Variants in TRDN observed in about 807,000 individuals in gnomAD.
TRDN encodes triadin in skeletal muscle.
A neutral mutation model predicts 149.7 loss-of-function variants in TRDN; 161 were observed. The observed-to-expected ratio is 1.08, with a 90% CI of 0.95 to 1.23. The LOEUF (loss-of-function observed/expected upper bound fraction) is 1.23. Ranked by LOEUF, TRDN falls within the 50% of genes most tolerant of loss-of-function variation. TRDN has a pLI of 0.00. For synonymous variants in TRDN, 294 were observed against 250.5 expected, an observed-to-expected ratio of 1.17 and a Z score of -1.64; for missense variants, 896 against 823.5, an observed-to-expected ratio of 1.09 and a Z score of -1.08.
chr6:123,374,362 C>T lies in TRDN; in HGVS notation c.1273+1243G>A, dbSNP rs1365955357. Among the ~76,000 whole-genome samples, 6 of 152,146 alleles carry T rather than the reference C, an allele frequency of 3.9e-5. No homozygotes were observed. The South Asian group carries it at 6.2e-4, about 16-fold the overall frequency. ...TTCAATCTAAAGCTCTCTCCCAGTG[C>T]TACAAAATTATCAGATTTGTTTGAT... On this transcript the variant is annotated intron_variant, in intron 19 of 40. Coordinates refer to ENST00000334268, the MANE Select transcript of TRDN (RefSeq NM_006073.4).
Position 123,636,950 on chromosome 6 carries a change from T to C in TRDN, c.-175A>G, listed in dbSNP as rs919171252. The C allele has an allele frequency of 7.6e-6, 5 of 659,364 alleles. No homozygotes were observed. The highest frequency in any genetic ancestry group is 2.6e-5 in the Admixed American group (1 of 37,978). 40.8% of individuals were successfully genotyped at this position (659,364 alleles called of 1,614,324 possible). A position where few individuals can be genotyped will look rare whatever the true frequency, so the allele number is the denominator to read the frequency against. On this transcript the variant is annotated 5_prime_UTR_variant, in exon 1 of 41. Coordinates refer to ENST00000334268, the MANE Select transcript of TRDN (RefSeq NM_006073.4). Reference sequence around the variant, plus strand: ...GTCCTGTTGAACTTTGCCTCTCCTCTGCAGAGTTCTCCCCCTGGAAACAAC... The same window carrying C: ...GTCCTGTTGAACTTTGCCTCTCCTCCGCAGAGTTCTCCCCCTGGAAACAAC...
Position 123,218,027 on chromosome 6 carries a change from G to C in TRDN, c.*574C>G, listed in dbSNP as rs1775012768. On this transcript the variant is annotated 3_prime_UTR_variant, in exon 41 of 41. Transcript: ENST00000334268. Reference sequence around the variant, plus strand: ...TTTGAGCTCTAAAAGAGTATCACAAGAAATTTATAGCAGTCTGTAGTACAA... The same window carrying C: ...TTTGAGCTCTAAAAGAGTATCACAACAAATTTATAGCAGTCTGTAGTACAA... The C allele has an allele frequency of 6.6e-6, 1 of 152,016 alleles. No individual in the cohort carries two copies. Among genetic ancestry groups the C allele is most frequent in the East Asian group, 2.0e-4 (1 of 5,126 alleles). The allele number at this position is 152,016 out of a possible 1,614,324, so 9.4% of individuals were successfully genotyped here.
chr6:123,411,122 C>T (rs1228628412), intron 12 of TRDN, among the ~76,000 whole-genome samples: 1 of 150,028 alleles, frequency 6.7e-6, no homozygotes, highest in Non-Finnish European at 1.5e-5. Flanking sequence ...TATCGGCTCA[C>T]TGCAACCTCC....
intron 21 of TRDN, chr6:123,351,413 C>A: frequency 1.0e-6 from 1 of 984,712 alleles, no homozygotes; most frequent in Non-Finnish European, 1.2e-6. Flanking sequence ...TCCAGTGCTC[C>A]CACTTTATAT....
At chr6:123,557,498 T>A (rs2114480364) in intron 2 of TRDN, among the ~76,000 whole-genome samples, 1 of 152,190 alleles carries the variant, frequency 6.6e-6, no homozygotes, top group East Asian at 1.9e-4. Flanking sequence ...CACACTTCAA[T>A]CTCTCCCTTC....
chr6:123,608,648 A>T (rs1784636391), intron 1 of TRDN, among the ~76,000 whole-genome samples: 1 of 152,212 alleles, frequency 6.6e-6, no homozygotes, highest in South Asian at 2.1e-4. Flanking sequence ...TTCTTATATC[A>T]TCAGAAAACA....
intron 9 of TRDN, among the ~76,000 whole-genome samples, chr6:123,465,582 C>CAAAAAAA (rs1223948612): frequency 1.4e-4 from 9 of 65,548 alleles, no homozygotes; most frequent in African/African-American, 2.5e-4. Flanking sequence ...TTATGAACTG[C>CAAAAAAA]AAAAAAAAAA....
chr6:123,299,736 GA>G (rs983196229), intron 24 of TRDN, among the ~76,000 whole-genome samples: 7 of 151,294 alleles, frequency 4.6e-5, no homozygotes, highest in East Asian at 1.9e-4. Flanking sequence ...TGGGAAAGTA[GA>G]AAAAAAATGA....
At chr6:123,567,249 G>A (rs1433638761) in intron 2 of TRDN, among the ~76,000 whole-genome samples, 1 of 152,096 alleles carries the variant, frequency 6.6e-6, no homozygotes, top group East Asian at 1.9e-4. Context: ...ACTATGTATT[G>A]CCTATTTACA....
At chr6:123,281,790 G>T (rs369494969) in intron 24 of TRDN, among the ~76,000 whole-genome samples, 1 of 151,980 alleles carries the variant, frequency 6.6e-6, no homozygotes, top group Non-Finnish European at 1.5e-5. Flanking sequence ...TTTGGTTTCC[G>T]AGTTAGTTGT....
At chr6:123,574,485 T>A (rs571760732) in intron 1 of TRDN, among the ~76,000 whole-genome samples, 1 of 152,082 alleles carries the variant, frequency 6.6e-6, no homozygotes, top group South Asian at 2.1e-4. Flanking sequence ...TGCTTTGAAA[T>A]GCAATTTAAG....
At chr6:123,396,687 T>C (rs1385267822) in intron 12 of TRDN, among the ~76,000 whole-genome samples, 1 of 152,172 alleles carries the variant, frequency 6.6e-6, no homozygotes, top group Non-Finnish European at 1.5e-5. Context: ...ATGAGCCAAA[T>C]GTTTCAATGT....
At chr6:123,246,284 T>A (rs1776176404) in intron 38 of TRDN, among the ~76,000 whole-genome samples, 1 of 151,790 alleles carries the variant, frequency 6.6e-6, no homozygotes, top group Non-Finnish European at 1.5e-5. Flanking sequence ...CTTCTAAAAA[T>A]CAATGAATCT....
chr6:123,285,077 G>A (rs1777751060), intron 24 of TRDN, among the ~76,000 whole-genome samples: 1 of 151,778 alleles, frequency 6.6e-6, no homozygotes, highest in South Asian at 2.1e-4. Context: ...TTGTGAAAAT[G>A]ACCAGGGTAG....
intron 35 of TRDN, among the ~76,000 whole-genome samples, chr6:123,259,116 G>T: frequency 6.6e-6 from 1 of 151,742 alleles, no homozygotes; most frequent in Non-Finnish European, 1.5e-5. Flanking sequence ...TTTTTTAAGG[G>T]TTTTTTTGTG....
At chr6:123,481,134 G>A (rs543041171) in intron 9 of TRDN, among the ~76,000 whole-genome samples, 16 of 152,154 alleles carry the variant, frequency 1.1e-4, no homozygotes, top group East Asian at 1.9e-4. Flanking sequence ...GGATACTCAC[G>A]AAATTTAAAA....
chr6:123,389,264 T>TG (rs1307329886), intron 13 of TRDN, among the ~76,000 whole-genome samples: 2 of 152,110 alleles, frequency 1.3e-5, no homozygotes, highest in African/African-American at 4.8e-5. Flanking sequence ...ATATGACCCC[T>TG]GGTTCTGTGT....
At chr6:123,462,870 C>A (rs1325183374) in intron 10 of TRDN, 1 of 152,148 alleles carries the variant, frequency 6.6e-6, no homozygotes, top group Non-Finnish European at 1.5e-5. Context: ...TCTGCAAGCC[C>A]TGACAAAGCC....
At chr6:123,606,336 T>C (rs1171693168) in intron 1 of TRDN, among the ~76,000 whole-genome samples, 1 of 152,078 alleles carries the variant, frequency 6.6e-6, no homozygotes, top group Non-Finnish European at 1.5e-5. Flanking sequence ...TGACCAAATA[T>C]AGACTTCTAT....
Sources: allele counts gnomAD v4.1 joint callset (sites outside exome capture counted in the v4.1 genomes callset), GRCh38; gene constraint gnomAD v4.1.1; transcripts MANE v1.5; gene names NCBI Gene and HGNC (gene_info 2026-07-23, HGNC 2026-07-21).